Variants in SLC51A observed in about 807,000 individuals in gnomAD.
SLC51A encodes solute carrier family 51 member A.
SLC51A carries 22 observed loss-of-function variants against 34.8 expected under a neutral mutation model. That is an observed-to-expected ratio of 0.63 (90% CI 0.45 to 0.90). The LOEUF (loss-of-function observed/expected upper bound fraction) is 0.90. Among genes scored for constraint, SLC51A ranks in the 40% least tolerant of loss-of-function variants. The pLI is 0.00. For synonymous variants in SLC51A, 181 were observed against 176.3 expected, an observed-to-expected ratio of 1.03 and a Z score of -0.21; for missense variants, 371 against 414.8, an observed-to-expected ratio of 0.89 and a Z score of 0.92.
chr3:196,221,190 T>C (rs1487428818), intron 2 of SLC51A, among the ~76,000 whole-genome samples: 1 of 151,792 alleles, frequency 6.6e-6, no homozygotes, highest in Non-Finnish European at 1.5e-5. Context: ...GAGGTCGAGG[T>C]TGCAGTGAGC....
rs775239578 is a variant in SLC51A at position 196,233,188 on chromosome 3, C to G, written c.1012C>G (p.Leu338Val). The change falls in exon 9 of 9, where the codon CTC (leucine) becomes GTC (valine). Residue 338 changes from leucine (L) to valine (V), a missense_variant. Physicochemically the swap from Leu to Val is conservative, Grantham distance 32. Transcript: ENST00000296327. ...CTCTTCTCCAGACCTGGACTTGAAC[C>G]TCAAAGCCTAAGGTGGATGGCTTGG... ...TFSSPDLDLN[L>V]KA 3.0e-5 allele frequency: 48 copies of G among 1,614,070 alleles called. No homozygotes were observed. In the Middle Eastern group the frequency reaches 4.9e-4, roughly 17 times the overall value.
Position 196,228,711 on chromosome 3 carries a change from C to T in SLC51A, c.522-98C>T. On this transcript the variant is annotated intron_variant, in intron 5 of 8. Coordinates refer to ENST00000296327, the MANE Select transcript of SLC51A (RefSeq NM_152672.6). This position sits in a 1 kb window ranked among gnomAD's most constrained non-coding sequence, Gnocchi z 4.9. ...TTAACCTGGTTGGTGTTTATGACAG[C>T]AGCCGAGCCTCAGCCCAGGAGCCCT... 2.1e-6 allele frequency: 2 copies of T among 966,886 alleles called. No homozygotes were observed. The highest frequency in any genetic ancestry group is 1.7e-6 in the Non-Finnish European group (1 of 600,248). 59.9% of individuals were successfully genotyped at this position (966,886 alleles called of 1,614,324 possible). A position where few individuals can be genotyped will look rare whatever the true frequency, so the allele number is the denominator to read the frequency against.
chr3:196,226,895 T>C, intron 2 of SLC51A, 70 bp from the exon 3 acceptor site: 1 of 1,487,746 alleles, frequency 6.7e-7, no homozygotes, highest in Non-Finnish European at 9.0e-7. Flanking sequence ...GCAATTTCGA[T>C]CCGAGGAACA....
chr3:196,229,224 T>C (rs1723971405), intron 6 of SLC51A, among the ~76,000 whole-genome samples: 1 of 152,044 alleles, frequency 6.6e-6, no homozygotes, highest in Non-Finnish European at 1.5e-5. Flanking sequence ...GCCTGGACAA[T>C]ATAGCGAGAT....
At chr3:196,224,625 A>T (rs1320525533) in intron 2 of SLC51A, among the ~76,000 whole-genome samples, 3 of 148,450 alleles carry the variant, frequency 2.0e-5, no homozygotes, top group Non-Finnish European at 3.0e-5. Context: ...GCAGTAAGCT[A>T]AGATCAGACC....
At chr3:196,217,609 AAG>A (rs1723625291) in intron 1 of SLC51A, among the ~76,000 whole-genome samples, 1 of 151,136 alleles carries the variant, frequency 6.6e-6, no homozygotes, top group Non-Finnish European at 1.5e-5. Flanking sequence ...GGAAGAGAGA[AAG>A]AGAAAGAGAG....
chr3:196,217,072 G>C lies in SLC51A; in HGVS notation c.38+322G>C, dbSNP rs146470586. 1.9e-3 allele frequency among the ~76,000 whole-genome samples: 291 copies of C among 152,320 alleles called. 1 individual carries two copies. Among genetic ancestry groups the C allele is most frequent in the African/African-American group, 6.7e-3 (277 of 41,578 alleles). Reference sequence around the variant, plus strand: ...TCTGTAAGGACTCACCCTTCCTCTGGGATCCTGCTCTTCCTCTCTGGTCAG... The same window carrying C: ...TCTGTAAGGACTCACCCTTCCTCTGCGATCCTGCTCTTCCTCTCTGGTCAG... On this transcript the variant is annotated intron_variant, in intron 1 of 8. Transcript: ENST00000296327.
intron 2 of SLC51A, among the ~76,000 whole-genome samples, chr3:196,218,923 C>T (rs996895772): frequency 6.6e-6 from 1 of 151,830 alleles, no homozygotes; most frequent in Non-Finnish European, 1.5e-5. Flanking sequence ...TACTGAATTA[C>T]TTTTGAAAGT....
intron 8 of SLC51A, 81 bp downstream of exon 8, chr3:196,232,605 A>G: frequency 9.6e-7 from 1 of 1,039,328 alleles, no homozygotes; most frequent in South Asian, 1.3e-5. Flanking sequence ...CAGAACAGAC[A>G]TTAGGCCAGC....
At position 196,233,078 on chromosome 3, in the gene SLC51A, T is replaced by C. The variant is rs569940476; in HGVS notation, c.902T>C (p.Leu301Pro). The change falls in exon 9 of 9, where the codon CTC becomes CCC. Residue 301 changes from leucine to proline, a missense_variant. Leu to Pro is a moderately conservative substitution (Grantham distance 98). Transcript: ENST00000296327. ...KTRSQVMNCH[L>P]LILETFLMTV... ...TACACTGCAGTGATGAATTGCCACC[T>C]CCTCATACTGGAGACTTTTCTAATG... The C allele has an allele frequency of 6.2e-7, 1 of 1,614,156 alleles. No individual in the cohort carries two copies. Among genetic ancestry groups the C allele is most frequent in the South Asian group, 1.1e-5 (1 of 91,084 alleles).
intron 7 of SLC51A, among the ~76,000 whole-genome samples, chr3:196,230,910 C>A (rs1390158302): frequency 6.6e-6 from 1 of 152,200 alleles, no homozygotes; most frequent in Non-Finnish European, 1.5e-5. Flanking sequence ...TACCGGGGGG[C>A]AGGACTTCAA....
intron 2 of SLC51A, chr3:196,225,875 G>T (rs1368376172): frequency 6.6e-6 from 1 of 152,220 alleles, no homozygotes; most frequent in African/African-American, 2.4e-5. Context: ...GGCCTGGGCA[G>T]CTAGCTGCTT....
chr3:196,223,129 C>A (rs533990478), intron 2 of SLC51A, among the ~76,000 whole-genome samples: 1 of 151,692 alleles, frequency 6.6e-6, no homozygotes, highest in Non-Finnish European at 1.5e-5. Flanking sequence ...GGCTTAGTCA[C>A]GAATACCTGC....
intron 7 of SLC51A, 36 bp from the exon 8 acceptor site, chr3:196,232,383 C>A: frequency 6.4e-7 from 1 of 1,552,986 alleles, no homozygotes; most frequent in East Asian, 2.2e-5. Context: ...TGAGGGCAGG[C>A]CCAGTCCACC....
Position 196,222,361 on chromosome 3 carries a change from A to G in SLC51A, c.133+4425A>G, listed in dbSNP as rs1254093961. ...AGGAAGTTAAGTTTTGTGACCAGGC[A>G]CGGTGGCTCACACCTGTAATCCCAG... On this transcript the variant is annotated intron_variant, in intron 2 of 8. Transcript: ENST00000296327. Among the ~76,000 whole-genome samples, 12 of 152,246 alleles carry G rather than the reference A, an allele frequency of 7.9e-5. No homozygotes were observed. In the East Asian group the frequency reaches 2.1e-3, roughly 27 times the overall value.
At chr3:196,217,200 C>T (rs1365438047) in intron 1 of SLC51A, among the ~76,000 whole-genome samples, 2 of 152,184 alleles carry the variant, frequency 1.3e-5, no homozygotes, top group African/African-American at 4.8e-5. Flanking sequence ...TCTTACTCCC[C>T]CACCTGGGCC....
chr3:196,218,702 G>C (rs1426435735), intron 2 of SLC51A, among the ~76,000 whole-genome samples: 1 of 152,110 alleles, frequency 6.6e-6, no homozygotes, highest in African/African-American at 2.4e-5. Flanking sequence ...AGATAACTTG[G>C]GGTGCTCCTG....
In SLC51A at chr3:196,233,139, C is replaced by T; in HGVS notation, c.963C>T (p.Asp321=). Residue 321 remains aspartate (D), a synonymous_variant, in exon 9 of 9, where the codon GAC becomes GAT. Transcript: ENST00000296327. ...VLTRMYYRRK[D]HKVGYETFSS... ...CACGAATGTACTACCGAAGGAAAGACCACAAGGTTGGGTATGAAACTTTCT... is the reference window on the plus strand; with the variant it reads ...CACGAATGTACTACCGAAGGAAAGATCACAAGGTTGGGTATGAAACTTTCT... 2.5e-6 allele frequency: 4 copies of T among 1,614,182 alleles called. No individual in the cohort carries two copies. In the African/African-American group the frequency reaches 5.3e-5, roughly 22 times the overall value.
intron 2 of SLC51A, among the ~76,000 whole-genome samples, chr3:196,222,318 A>G (rs1253706105): frequency 6.6e-6 from 1 of 152,190 alleles, no homozygotes. Context: ...GGAGTCCTTC[A>G]TGGAAACAGA....
Sources: allele counts gnomAD v4.1 joint callset (sites outside exome capture counted in the v4.1 genomes callset), GRCh38; gene constraint gnomAD v4.1.1; non-coding constraint Gnocchi (gnomAD v3.1); transcripts MANE v1.5; gene names NCBI Gene and HGNC (gene_info 2026-07-23, HGNC 2026-07-21).